DST: variants seen among roughly 807,000 people sequenced by gnomAD.
The protein encoded by DST is dystonin.
DST carries 253 observed loss-of-function variants against 875.2 expected under a neutral mutation model. The ratio of observed to expected loss-of-function variants is 0.29; its 90% CI spans 0.26 to 0.32. The LOEUF (loss-of-function observed/expected upper bound fraction) is 0.32, where lower values mean the gene tolerates loss of function less well. Ranked by LOEUF, DST falls within the 10% of genes least tolerant of loss-of-function variation. The probability of loss-of-function intolerance (pLI) is 1.00; values close to 1 mark genes in which losing one functional copy is unlikely to be tolerated. For synonymous variants in DST, 3,124 were observed against 3,197.1 expected, an observed-to-expected ratio of 0.98 and a Z score of 0.77; for missense variants, 8,287 against 9,111.6, an observed-to-expected ratio of 0.91 and a Z score of 3.68.
chr6:56,656,552 TTG>T (rs1433068260), intron 10 of DST, among the ~76,000 whole-genome samples: 1 of 152,192 alleles, frequency 6.6e-6, no homozygotes, highest in Non-Finnish European at 1.5e-5. Flanking sequence ...AAGCAGTAGG[TTG>T]TGTTATTATC....
At chr6:56,550,869 A>G (rs2097310088) in intron 61 of DST, among the ~76,000 whole-genome samples, 1 of 152,202 alleles carries the variant, frequency 6.6e-6, no homozygotes, top group Non-Finnish European at 1.5e-5. Context: ...GATCTCTCCC[A>G]GTCTTTGATG....
intron 9 of DST, among the ~76,000 whole-genome samples, chr6:56,685,534 G>C (rs1176731548): frequency 6.6e-6 from 1 of 152,170 alleles, no homozygotes; most frequent in African/African-American, 2.4e-5. Flanking sequence ...CACTTAGGGA[G>C]GGCAAGGCAG....
At position 56,537,467 on chromosome 6, in the gene DST, T is replaced by C. The variant is rs577257319; in HGVS notation, c.16609-527A>G. Among the ~76,000 whole-genome samples, 3 of 152,270 alleles carry C rather than the reference T, an allele frequency of 2.0e-5. No homozygotes were observed. The East Asian group carries it at 5.8e-4, about 29-fold the overall frequency. The stretch of plus-strand genomic sequence containing the variant: ...TGAGGTGAGCCAAGTGGCCAAAACA[T>C]GGCTTGGCAGGAGGGCCAAAATACA... On this transcript the variant is annotated intron_variant, in intron 61 of 103. Transcript: ENST00000680361.
intron 4 of DST, among the ~76,000 whole-genome samples, chr6:56,824,344 G>C (rs1045634152): frequency 1.3e-5 from 2 of 152,194 alleles, no homozygotes; most frequent in African/African-American, 2.4e-5. Flanking sequence ...GCAGTGGCGT[G>C]ATCTCGGCTC....
intron 97 of DST, 28 bp from the exon 98 acceptor site, chr6:56,469,027 A>G (rs759048191): frequency 1.9e-6 from 3 of 1,556,606 alleles, no homozygotes; most frequent in Non-Finnish European, 2.6e-6. Flanking sequence ...TGGAAGAAAG[A>G]CACAATTAGT....
chr6:56,618,440 C>T (rs2098651632), intron 36 of DST: 1 of 1,614,094 alleles, frequency 6.2e-7, no homozygotes, highest in African/African-American at 1.3e-5. Flanking sequence ...TTGAATTTCA[C>T]ACTGGAGCAA....
intron 2 of DST, among the ~76,000 whole-genome samples, chr6:56,907,958 T>C (rs1289834595): frequency 6.6e-6 from 1 of 152,048 alleles, no homozygotes; most frequent in East Asian, 1.9e-4. Context: ...TAATCCCAGC[T>C]ATTTGGAAGG....
intron 2 of DST, among the ~76,000 whole-genome samples, chr6:56,914,836 A>T (rs1220302097): frequency 6.6e-6 from 1 of 152,264 alleles, no homozygotes; most frequent in Non-Finnish European, 1.5e-5. Flanking sequence ...CATCAAAAAC[A>T]GGTAACAGTA....
intron 4 of DST, among the ~76,000 whole-genome samples, chr6:56,765,214 T>G (rs760991069): frequency 6.6e-6 from 1 of 152,206 alleles, no homozygotes; most frequent in Non-Finnish European, 1.5e-5. Flanking sequence ...CCACCATGTT[T>G]GTGAAAGTCA....
chr6:56,697,247 T>G (rs2099268929), intron 9 of DST, among the ~76,000 whole-genome samples: 1 of 152,190 alleles, frequency 6.6e-6, no homozygotes, highest in Admixed American at 6.5e-5. Context: ...TCTTTCTTCC[T>G]GGAAAGTGTG....
At chr6:56,584,998 G>C (rs2098116747) in intron 49 of DST, among the ~76,000 whole-genome samples, 1 of 151,224 alleles carries the variant, frequency 6.6e-6, no homozygotes, top group African/African-American at 2.4e-5. Context: ...CGGTTTGCCA[G>C]TATTTTATTG....
chr6:56,496,857 C>T (rs1244025314), intron 82 of DST, among the ~76,000 whole-genome samples: 1 of 152,100 alleles, frequency 6.6e-6, no homozygotes, highest in African/African-American at 2.4e-5. Context: ...AGTTCATGTC[C>T]TTTGTAGGGA....
intron 49 of DST, among the ~76,000 whole-genome samples, chr6:56,591,404 T>C (rs945421360): frequency 6.6e-6 from 1 of 152,204 alleles, no homozygotes; most frequent in African/African-American, 2.4e-5. Flanking sequence ...AATATGATGG[T>C]AGCATCCCTT....
intron 55 of DST, among the ~76,000 whole-genome samples, chr6:56,564,014 C>T (rs908478690): frequency 6.6e-6 from 1 of 152,176 alleles, no homozygotes; most frequent in Non-Finnish European, 1.5e-5. Context: ...TAGCATGATG[C>T]CTCCAGCTTT....
intron 2 of DST, among the ~76,000 whole-genome samples, chr6:56,917,525 T>G (rs1371137888): frequency 6.6e-6 from 1 of 152,240 alleles, no homozygotes; most frequent in Non-Finnish European, 1.5e-5. Flanking sequence ...CTCCTTTTCC[T>G]AAGATGATGT....
In DST at chr6:56,459,227, T is replaced by G; in HGVS notation, c.23235A>C (p.Gly7745=). 1 of 1,613,358 alleles carries G rather than the reference T, an allele frequency of 6.2e-7. No homozygotes were observed. The highest frequency in any genetic ancestry group is 8.5e-7 in the Non-Finnish European group (1 of 1,179,622). ...KTPSRPGSRA[G]SKAGSRASSR... The stretch of plus-strand genomic sequence containing the variant: ...TGCTGGCCCTGCTGCCAGCTTTGCT[T>G]CCAGCTCGACTTCCTGGTCGGCTGG... Residue 7745 remains glycine, a synonymous_variant, in exon 104 of 104, where the codon GGA becomes GGC. Transcript: ENST00000680361.
intron 3 of DST, among the ~76,000 whole-genome samples, chr6:56,865,877 T>C (rs1056478745): frequency 1.3e-5 from 2 of 152,200 alleles, no homozygotes; most frequent in African/African-American, 4.8e-5. Context: ...AGTTTTATCA[T>C]CTTCTAAAAC....
intron 2 of DST, among the ~76,000 whole-genome samples, chr6:56,928,278 T>C (rs1269544316): frequency 6.6e-6 from 1 of 152,198 alleles, no homozygotes; most frequent in African/African-American, 2.4e-5. Flanking sequence ...CTCCCTTTAG[T>C]ACCTCGTATT....
At position 56,887,370 on chromosome 6, in the gene DST, G is replaced by C. The variant is rs58905074; in HGVS notation, c.417+13051C>G. 9.1e-3 allele frequency among the ~76,000 whole-genome samples: 1,379 copies of C among 152,312 alleles called. 25 individuals carry two copies. Among genetic ancestry groups the C allele is most frequent in the African/African-American group, 0.031 (1,294 of 41,562 alleles). ...TGGGATTTAGGGCAAAGATCAAGGA[G>C]TTGTTTCAGGCAGAGATGGCTGTTA... On this transcript the variant is annotated intron_variant, in intron 3 of 103. Transcript: ENST00000680361.
Sources: allele counts gnomAD v4.1 joint callset (sites outside exome capture counted in the v4.1 genomes callset), GRCh38; gene constraint gnomAD v4.1.1; transcripts MANE v1.5; gene names NCBI Gene and HGNC (gene_info 2026-07-23, HGNC 2026-07-21).